Variants in GALNTL6 observed in about 807,000 individuals in gnomAD.
GALNTL6 encodes polypeptide N-acetylgalactosaminyltransferase like 6, also known as polypeptide N-acetylgalactosaminyltransferase-like 6.
In GALNTL6, 46 loss-of-function variants were observed where a neutral mutation model predicts 73.7. The observed-to-expected ratio is 0.62, with a 90% CI of 0.49 to 0.80. The LOEUF is 0.80. GALNTL6 is among the 30% of genes least tolerant of loss of function. The probability of loss-of-function intolerance (pLI) is 0.00; values close to 1 mark genes in which losing one functional copy is unlikely to be tolerated. For synonymous variants in GALNTL6, 259 were observed against 263.7 expected (o/e 0.98, Z 0.17); for missense variants, 604 against 755.0 (o/e 0.80, Z 2.34).
At chr4:172,797,049 T>C (rs890406818) in intron 5 of GALNTL6, among the ~76,000 whole-genome samples, 2 of 152,084 alleles carry the variant, frequency 1.3e-5, no homozygotes, top group Non-Finnish European at 2.9e-5. Context: ...ACTCAACCCA[T>C]GTAGTGTCCT....
chr4:172,941,154 T>TTATC (rs1480368292), intron 9 of GALNTL6, among the ~76,000 whole-genome samples: 1 of 152,204 alleles, frequency 6.6e-6, no homozygotes, highest in Admixed American at 6.5e-5. Flanking sequence ...TGTGATTCAA[T>TTATC]TATCTGATGC....
intron 7 of GALNTL6, among the ~76,000 whole-genome samples, chr4:172,881,635 A>G (rs921651172): frequency 6.6e-6 from 1 of 152,226 alleles, no homozygotes; most frequent in African/African-American, 2.4e-5. Context: ...TACTATGGTT[A>G]TGCATATCTT....
At chr4:172,065,525 C>T (rs1251761046) in intron 2 of GALNTL6, among the ~76,000 whole-genome samples, 1 of 151,780 alleles carries the variant, frequency 6.6e-6, no homozygotes, top group African/African-American at 2.4e-5. Flanking sequence ...TGGTTGTAGT[C>T]TTTGTAACCT....
chr4:173,021,715 C>A, intron 12 of GALNTL6, 90 bp downstream of exon 12: 1 of 1,355,076 alleles, frequency 7.4e-7, no homozygotes, highest in Non-Finnish European at 1.0e-6. Flanking sequence ...CGTTTTAGGC[C>A]TGGCGCAGTC....
At chr4:172,008,839 C>T (rs1740914198) in intron 2 of GALNTL6, among the ~76,000 whole-genome samples, 1 of 152,096 alleles carries the variant, frequency 6.6e-6, no homozygotes, top group Non-Finnish European at 1.5e-5. Context: ...AACCTCCAAT[C>T]TTTAGTCTTG....
chr4:172,563,268 C>G (rs1415162927), intron 5 of GALNTL6, among the ~76,000 whole-genome samples: 1 of 152,116 alleles, frequency 6.6e-6, no homozygotes. Context: ...CCTTCTCTCC[C>G]CCATGATAAC....
rs1204020304 is a variant in GALNTL6 at position 172,905,850 on chromosome 4, C to T, written c.1041+22943C>T. On this transcript the variant is annotated intron_variant, in intron 8 of 12. Coordinates refer to ENST00000506823, the MANE Select transcript of GALNTL6 (RefSeq NM_001034845.3). ...AAAAAAAAAAAAGGAGAACAAGAAA[C>T]GGGAACAAAAAACCTAAATTTATCC... 5.8e-5 allele frequency among the ~76,000 whole-genome samples: 6 copies of T among 103,210 alleles called. No homozygotes were observed. The East Asian group carries it at 7.7e-4, about 13-fold the overall frequency. The allele number at this position is 103,210 out of a possible 152,430, so 67.7% of individuals were successfully genotyped here. A position where few individuals can be genotyped will look rare whatever the true frequency, so the allele number is the denominator to read the frequency against.
At chr4:171,894,172 G>A (rs1177504979) in intron 2 of GALNTL6, among the ~76,000 whole-genome samples, 1 of 152,134 alleles carries the variant, frequency 6.6e-6, no homozygotes, top group Non-Finnish European at 1.5e-5. Context: ...CAATTAAAAA[G>A]CATTTTTAAC....
chr4:172,882,528 T>G (rs1449283745), intron 7 of GALNTL6, among the ~76,000 whole-genome samples: 1 of 152,178 alleles, frequency 6.6e-6, no homozygotes, highest in African/African-American at 2.4e-5. Flanking sequence ...GTGGAGCAAA[T>G]GTGACTCTGC....
intron 2 of GALNTL6, among the ~76,000 whole-genome samples, chr4:171,940,274 A>G (rs1374327905): frequency 2.0e-5 from 3 of 152,032 alleles, no homozygotes; most frequent in East Asian, 3.9e-4. Flanking sequence ...TTCTGAAACT[A>G]TTGATAATCA....
chr4:172,312,659 A>G (rs1165166991), intron 4 of GALNTL6, among the ~76,000 whole-genome samples: 3 of 152,240 alleles, frequency 2.0e-5, no homozygotes, highest in Non-Finnish European at 4.4e-5. Context: ...TCAGAAATCT[A>G]AATTAAACCA....
At chr4:171,819,249 C>T (rs866078845) in intron 2 of GALNTL6, among the ~76,000 whole-genome samples, 1 of 152,010 alleles carries the variant, frequency 6.6e-6, no homozygotes, top group Non-Finnish European at 1.5e-5. Context: ...ATGGAAAATG[C>T]ATTCAGAATC....
intron 10 of GALNTL6, among the ~76,000 whole-genome samples, chr4:172,959,421 G>A (rs576523409): frequency 3.3e-5 from 5 of 152,066 alleles, no homozygotes; most frequent in Non-Finnish European, 5.9e-5. Flanking sequence ...CAGAGTTGGG[G>A]AGTTTTAAGA....
At chr4:172,057,557 A>G (rs1005631730) in intron 2 of GALNTL6, among the ~76,000 whole-genome samples, 4 of 150,774 alleles carry the variant, frequency 2.7e-5, no homozygotes, top group East Asian at 1.9e-4. Flanking sequence ...AAAAAATAAA[A>G]AAAACTGGGT....
chr4:172,871,589 G>GGA (rs1417379133), intron 7 of GALNTL6, among the ~76,000 whole-genome samples: 18 of 93,982 alleles, frequency 1.9e-4, no homozygotes, highest in Non-Finnish European at 6.9e-5. Context: ...CTCTGACTCT[G>GGA]GGGGGGGTGT....
chr4:172,871,753 A>G (rs902119447), intron 7 of GALNTL6, among the ~76,000 whole-genome samples: 40 of 57,634 alleles, frequency 6.9e-4, no homozygotes, highest in African/African-American at 2.0e-3. Context: ...AAAGTTTAGC[A>G]TAGTTTTTTG....
chr4:172,721,856 G>C (rs930851766), intron 5 of GALNTL6, among the ~76,000 whole-genome samples: 2 of 152,162 alleles, frequency 1.3e-5, no homozygotes, highest in African/African-American at 2.4e-5. Context: ...AGTGCAGCTA[G>C]AGTGGTAGGG....
chr4:172,930,939 A>G (rs1231627014), intron 8 of GALNTL6, among the ~76,000 whole-genome samples: 2 of 152,234 alleles, frequency 1.3e-5, no homozygotes, highest in Non-Finnish European at 2.9e-5. Flanking sequence ...TACTGGGATT[A>G]TAAGCATGAA....
Position 173,041,389 on chromosome 4 carries a change from T to C in GALNTL6, c.*1289T>C, listed in dbSNP as rs902334516. The C allele has an allele frequency of 9.2e-5, 14 of 152,168 alleles. No individual in the cohort carries two copies. Among genetic ancestry groups the C allele is most frequent in the African/African-American group, 3.1e-4 (13 of 41,458 alleles). 9.4% of individuals were successfully genotyped at this position (152,168 alleles called of 1,614,324 possible). ...CTTAAAGCAATTTTTTACTGTTCAATAATATCACATTGGGGGAAGAAAACA... is the reference window on the plus strand; with the variant it reads ...CTTAAAGCAATTTTTTACTGTTCAACAATATCACATTGGGGGAAGAAAACA... On this transcript the variant is annotated 3_prime_UTR_variant, in exon 13 of 13. Transcript: ENST00000506823.
Sources: gnomAD v4.1 joint callset for allele counts (sites outside exome capture counted in the v4.1 genomes callset) on GRCh38, gnomAD v4.1.1 for gene constraint, MANE v1.5 for transcripts, NCBI Gene and HGNC (gene_info 2026-07-23, HGNC 2026-07-21) for gene names.